SLC1A4: variants seen among roughly 807,000 people sequenced by gnomAD.
SLC1A4 encodes the protein neutral amino acid transporter A.
A neutral mutation model predicts 37.7 loss-of-function variants in SLC1A4; 19 were observed. The observed-to-expected ratio is 0.50, with a 90% CI of 0.35 to 0.74. The LOEUF (loss-of-function observed/expected upper bound fraction) is 0.74, where lower values mean the gene tolerates loss of function less well. Among genes scored for constraint, SLC1A4 ranks in the 30% least tolerant of loss-of-function variants. The pLI is 0.01. For missense variants in SLC1A4, 570 were observed against 712.9 expected (o/e 0.80, Z 2.28); for synonymous variants, 299 against 309.8 (o/e 0.97, Z 0.37).
At chr2:65,015,176 G>A (rs906106910) in intron 4 of SLC1A4, among the ~76,000 whole-genome samples, 1 of 152,234 alleles carries the variant, frequency 6.6e-6, no homozygotes, top group African/African-American at 2.4e-5. Flanking sequence ...ACTGTGAGGA[G>A]GGGAAAGTAG....
chr2:65,016,416 G>A (rs763180035), intron 4 of SLC1A4, 24 bp from the exon 5 acceptor site: 7 of 1,577,962 alleles, frequency 4.4e-6, no homozygotes, highest in Non-Finnish European at 6.1e-6. Flanking sequence ...CCCCACTGAT[G>A]AGTACCCTGT....
At chr2:64,992,302 C>T (rs1438246814) in intron 1 of SLC1A4, among the ~76,000 whole-genome samples, 2 of 152,178 alleles carry the variant, frequency 1.3e-5, no homozygotes, top group African/African-American at 4.8e-5. Context: ...CCTGAAGGGA[C>T]TTCTTGTTTC....
At position 65,018,608 on chromosome 2, in the gene SLC1A4, T is replaced by C. The variant is rs1334614702; in HGVS notation, c.1293T>C (p.Ile431=). ...AGVPAGGVLT[I]AIILEAIGLP... ...TGCCAGCTGGAGGGGTCCTCACCAT[T>C]GCCATTATCCTGGAGGCCATTGGGC... is the stretch of plus-strand genomic sequence containing the variant. Residue 431 remains isoleucine (I), a synonymous_variant, in exon 7 of 8, where the codon ATT becomes ATC. Coordinates refer to ENST00000234256, the MANE Select transcript of SLC1A4 (RefSeq NM_003038.5). This position sits in a 1 kb window ranked among gnomAD's most constrained non-coding sequence, Gnocchi z 4.3. The C allele has an allele frequency of 3.1e-6, 5 of 1,614,214 alleles. No homozygotes were observed. The South Asian group carries it at 4.4e-5, about 14-fold the overall frequency.
At chr2:64,994,448 C>T (rs1326757613) in intron 1 of SLC1A4, among the ~76,000 whole-genome samples, 1 of 152,226 alleles carries the variant, frequency 6.6e-6, no homozygotes. Context: ...GAAGAATGGC[C>T]GAGGGCCACC....
rs951409514 is a variant in SLC1A4, at chr2:65,018,254, T to G, written c.1218T>G (p.Ile406Met). ...LNNVELNAGQ[I>M]FTILVTATAS... Reference sequence around the variant, plus strand: ...ACGTAGAGCTCAACGCAGGACAGATTTTCACCATTCTGTAAGTTCCTCATT... The same window carrying G: ...ACGTAGAGCTCAACGCAGGACAGATGTTCACCATTCTGTAAGTTCCTCATT... The change falls in exon 6 of 8, where the codon ATT becomes ATG. Residue 406 changes from isoleucine to methionine, a missense_variant. Coordinates refer to ENST00000234256, the MANE Select transcript of SLC1A4 (RefSeq NM_003038.5). The surrounding 1 kb of genome is among the most constrained non-coding windows in gnomAD (Gnocchi z 4.3). 3.1e-6 allele frequency: 5 copies of G among 1,613,126 alleles called. No homozygotes were observed. In the Admixed American group the frequency reaches 6.7e-5, roughly 22 times the overall value.
intron 3 of SLC1A4, 57 bp from the exon 4 acceptor site, chr2:65,010,540 C>A: frequency 7.0e-7 from 1 of 1,428,778 alleles, no homozygotes; most frequent in Non-Finnish European, 9.5e-7. Context: ...CAAGCAAATA[C>A]ATCTTTAATT....
intron 4 of SLC1A4, 127 bp downstream of exon 4, chr2:65,010,890 C>T (rs533376635): frequency 2.2e-5 from 20 of 925,658 alleles, no homozygotes; most frequent in Admixed American, 5.1e-5. Flanking sequence ...GTTGATGCAC[C>T]ATGAGCCAGG....
intron 1 of SLC1A4, 167 bp from the exon 2 acceptor site, chr2:65,001,281 A>T: frequency 1.6e-6 from 1 of 630,130 alleles, no homozygotes; most frequent in Non-Finnish European, 2.8e-6. Context: ...TCACGCCTGT[A>T]GTCCCAACAC....
intron 1 of SLC1A4, among the ~76,000 whole-genome samples, chr2:64,999,266 AT>A (rs1457783389): frequency 6.6e-6 from 1 of 152,174 alleles, no homozygotes; most frequent in African/African-American, 2.4e-5. Flanking sequence ...CTAAAGATTA[AT>A]TTTTTCTGCT....
chr2:65,001,751 T>G (rs531981766), intron 2 of SLC1A4, among the ~76,000 whole-genome samples: 2 of 152,312 alleles, frequency 1.3e-5, no homozygotes, highest in South Asian at 4.1e-4. Context: ...AGAAATACCC[T>G]CAAATCACAT....
upstream of SLC1A4, among the ~76,000 whole-genome samples, chr2:64,989,245 G>A (rs1310525754): frequency 1.2e-4 from 10 of 85,184 alleles, no homozygotes; most frequent in African/African-American, 4.1e-4. Context: ...GGGACCAGAG[G>A]CTCCCGGCGG....
chr2:65,021,032 A>G lies in SLC1A4; in HGVS notation c.1485A>G (p.Glu495=), dbSNP rs775621942. 7 of 1,614,120 alleles carry G rather than the reference A, an allele frequency of 4.3e-6. No homozygotes were observed. The African/African-American group carries it at 5.3e-5, about 12-fold the overall frequency. Reference sequence around the variant, plus strand: ...AGGAACTTGCTGAGGTGAAAGTGGAAGCCATCCCCAACTGCAAGTCTGAGG... The same window carrying G: ...AGGAACTTGCTGAGGTGAAAGTGGAGGCCATCCCCAACTGCAAGTCTGAGG... ...GEQELAEVKV[E]AIPNCKSEEE... The change falls in exon 8 of 8, where the codon GAA becomes GAG. Residue 495 remains glutamate, a synonymous_variant. Transcript: ENST00000234256.
chr2:64,997,996 G>A (rs1016896415), intron 1 of SLC1A4, among the ~76,000 whole-genome samples: 2 of 152,114 alleles, frequency 1.3e-5, no homozygotes, highest in Non-Finnish European at 2.9e-5. Flanking sequence ...CACTTTGGGA[G>A]GCTGAGGGGG....
chr2:65,017,248 G>A (rs1011278859), intron 5 of SLC1A4, among the ~76,000 whole-genome samples: 1 of 151,990 alleles, frequency 6.6e-6, no homozygotes, highest in Non-Finnish European at 1.5e-5. Flanking sequence ...CTGAGGCACC[G>A]TGGTGAGGGA....
At chr2:65,011,329 C>G (rs1176878650) in intron 4 of SLC1A4, 1 of 152,284 alleles carries the variant, frequency 6.6e-6, no homozygotes, top group Non-Finnish European at 1.5e-5. Context: ...TACAGCGGCG[C>G]GATCTCGGCT....
At chr2:65,006,142 C>A (rs1673662663) in intron 3 of SLC1A4, among the ~76,000 whole-genome samples, 2 of 152,214 alleles carry the variant, frequency 1.3e-5, no homozygotes, top group Non-Finnish European at 2.9e-5. Flanking sequence ...GCATCCACCT[C>A]AGCTGACATA....
Position 65,010,245 on chromosome 2 carries a change from G to A in SLC1A4, c.634-352G>A, listed in dbSNP as rs191713239. 1.1e-3 allele frequency among the ~76,000 whole-genome samples: 165 copies of A among 152,186 alleles called. 1 individual carries two copies. The highest frequency in any genetic ancestry group is 6.0e-4 in the Non-Finnish European group (41 of 67,984). ...CCGCGACCAGCCTGAAGGAACTTTT[G>A]ACTAACCAGCTCTTCTTTTAAAAGC... On this transcript the variant is annotated intron_variant, in intron 3 of 7. Coordinates refer to ENST00000234256, the MANE Select transcript of SLC1A4 (RefSeq NM_003038.5).
chr2:65,015,659 G>A (rs970920369), intron 4 of SLC1A4, among the ~76,000 whole-genome samples: 1 of 152,304 alleles, frequency 6.6e-6, no homozygotes. Context: ...TCTCCAGGGA[G>A]GGGAAATCTG....
intron 5 of SLC1A4, among the ~76,000 whole-genome samples, chr2:65,017,134 T>G (rs1487375089): frequency 6.6e-6 from 1 of 152,172 alleles, no homozygotes; most frequent in Non-Finnish European, 1.5e-5. Context: ...TTTCCCTGAG[T>G]AAAAGAAGGC....
Sources: allele counts gnomAD v4.1 joint callset (sites outside exome capture counted in the v4.1 genomes callset), GRCh38; gene constraint gnomAD v4.1.1; non-coding constraint Gnocchi (gnomAD v3.1); transcripts MANE v1.5; gene names NCBI Gene and HGNC (gene_info 2026-07-23, HGNC 2026-07-21).